Variants in CHD4 observed in about 807,000 individuals in gnomAD.
CHD4 encodes the protein chromodomain helicase DNA binding protein 4, also known as ATP-dependent chromatin remodeler CHD4.
Under a neutral mutation model 235.5 loss-of-function variants are expected in CHD4, and 35 were observed. The observed-to-expected ratio is 0.15, with a 90% CI of 0.11 to 0.20. The LOEUF (loss-of-function observed/expected upper bound fraction) is 0.20, where lower values mean the gene tolerates loss of function less well. Ranked by LOEUF, CHD4 falls within the 10% of genes least tolerant of loss-of-function variation. The pLI, the probability that CHD4 is intolerant of heterozygous loss-of-function variation, is 1.00. For missense variants in CHD4, 1,329 were observed against 2,432.3 expected (o/e 0.55, Z 9.54); for synonymous variants, 900 against 850.2 (o/e 1.06, Z -1.02).
chr12:6,581,984 G>A (rs10437832), intron 30 of CHD4, among the ~76,000 whole-genome samples, 153 bp downstream of exon 30: 8,545 of 152,096 alleles, frequency 0.056, 814 homozygotes, highest in African/African-American at 0.19. Flanking sequence ...TGTATTTTTA[G>A]TAGAGATGGG....
At chr12:6,600,100 C>T in intron 9 of CHD4, 88 bp from the exon 10 acceptor site, 1 of 1,533,884 alleles carries the variant, frequency 6.5e-7, no homozygotes, top group Non-Finnish European at 8.9e-7. Flanking sequence ...TTGAATGCTT[C>T]CCAAAGCTCA....
Position 6,596,122 on chromosome 12 carries a change from G to A in CHD4, c.1908C>T (p.Gly636=). The change falls in exon 13 of 40, where the codon GGC becomes GGT. Residue 636 remains glycine (G), a synonymous_variant. Transcript: ENST00000544040. The stretch of plus-strand genomic sequence containing the variant: ...GCCACTTGATCAAGTAGTGGACGTG[G>A]CCCTTCTTGTCCACACTGCAAGTCC... ...RILNHSVDKK[G]HVHYLIKWRD... is the part of the protein sequence containing the mutation. The A allele has an allele frequency of 3.1e-6, 5 of 1,613,818 alleles. No individual in the cohort carries two copies. The highest frequency in any genetic ancestry group is 1.1e-5 in the South Asian group (1 of 91,074).
chr12:6,588,490 A>C, intron 22 of CHD4, 68 bp from the exon 23 acceptor site: 1 of 1,572,066 alleles, frequency 6.4e-7, no homozygotes, highest in Non-Finnish European at 8.7e-7. Context: ...GTAGTTTAAA[A>C]AATTAAGCCG....
At chr12:6,590,544 C>T (rs745832915) in intron 22 of CHD4, among the ~76,000 whole-genome samples, 1 of 151,866 alleles carries the variant, frequency 6.6e-6, no homozygotes, top group Non-Finnish European at 1.5e-5. Context: ...TGATACTGAG[C>T]ACAGTGGCTT....
chr12:6,584,253 TATGTGTATGA>T (rs960080217), intron 25 of CHD4: 62 of 152,334 alleles, frequency 4.1e-4, no homozygotes, highest in African/African-American at 1.5e-3. Context: ...AGTGTACATA[TATGTGTATGA>T]ATATATGTAT....
Position 6,581,093 on chromosome 12 carries a change from C to T in CHD4, c.4860G>A (p.Lys1620=). ...EPPEGEEKVE[K]AEVKERTEEP... ...CCTCTGTTCTCTCCTTCACCTCTGC[C>T]TTTTCCACTTTCTCCTCTCCCTCAG... The change falls in exon 33 of 40, where the codon AAG becomes AAA. Residue 1620 remains lysine (K), a synonymous_variant. Coordinates refer to ENST00000544040, the MANE Select transcript of CHD4 (RefSeq NM_001273.5). The T allele has an allele frequency of 6.2e-7, 1 of 1,614,184 alleles. No homozygotes were observed. Among genetic ancestry groups the T allele is most frequent in the Non-Finnish European group, 8.5e-7 (1 of 1,180,026 alleles).
Position 6,606,431 on chromosome 12 carries a change from C to T in CHD4, c.-58G>A. On this transcript the variant is annotated 5_prime_UTR_variant, in exon 2 of 40. Coordinates refer to ENST00000544040, the MANE Select transcript of CHD4 (RefSeq NM_001273.5). ...GCTGCTCCTGCCGGCGGCCTGAGGA[C>T]CTCTACACTGGCCCGAGTCACTGTG... The T allele has an allele frequency of 4.4e-6, 5 of 1,124,484 alleles. No homozygotes were observed. Among genetic ancestry groups the T allele is most frequent in the East Asian group, 2.8e-5 (1 of 35,844 alleles). The allele number at this position is 1,124,484 out of a possible 1,614,324, so 69.7% of individuals were successfully genotyped here. A position where few individuals can be genotyped will look rare whatever the true frequency, so the allele number is the denominator to read the frequency against.
chr12:6,589,526 TG>T (rs1464702421), intron 22 of CHD4, among the ~76,000 whole-genome samples: 5 of 151,770 alleles, frequency 3.3e-5, no homozygotes, highest in Non-Finnish European at 7.4e-5. Context: ...CCCAGCACTT[TG>T]GGAAGCTGAG....
rs1471456487 is a variant in CHD4 at position 6,606,407 on chromosome 12, C to A, written c.-34G>T. The A allele has an allele frequency of 6.7e-7, 1 of 1,491,720 alleles. No homozygotes were observed. Among genetic ancestry groups the A allele is most frequent in the South Asian group, 1.2e-5 (1 of 84,114 alleles). 92.4% of individuals were successfully genotyped at this position (1,491,720 alleles called of 1,614,324 possible). On this transcript the variant is annotated 5_prime_UTR_variant, in exon 2 of 40. Coordinates refer to ENST00000544040, the MANE Select transcript of CHD4 (RefSeq NM_001273.5). ...GCTCCCGGCCAGGGAATTGGCCCAG[C>A]TGCTCCTGCCGGCGGCCTGAGGACC... is the stretch of plus-strand genomic sequence containing the variant.
intron 34 of CHD4, 63 bp downstream of exon 34, chr12:6,578,783 T>C (rs1022628553): frequency 6.6e-7 from 1 of 1,514,480 alleles, no homozygotes; most frequent in Non-Finnish European, 9.2e-7. Context: ...GCAGGGCAGA[T>C]ACAGTCCTTG....
At position 6,570,628 on chromosome 12, in the gene CHD4, G is replaced by A. The variant is rs1947948358; in HGVS notation, c.*48C>T. On this transcript the variant is annotated 3_prime_UTR_variant, in exon 40 of 40. Transcript: ENST00000544040. ...AGGGGAGAAGCTGGGACAAGAGAAA[G>A]TGAGGAAGGTCACTGCTCAGCGGTG... 1 of 1,613,110 alleles carries A rather than the reference G, an allele frequency of 6.2e-7. No homozygotes were observed. The highest frequency in any genetic ancestry group is 1.7e-5 in the Admixed American group (1 of 59,992).
intron 2 of CHD4, among the ~76,000 whole-genome samples, chr12:6,604,943 G>A (rs1375631042): frequency 1.3e-5 from 2 of 152,110 alleles, no homozygotes; most frequent in Non-Finnish European, 2.9e-5. Context: ...CAGAAGGACA[G>A]GGTCCCCTTA....
At chr12:6,578,960 C>T (rs1164577858) in intron 33 of CHD4, 43 bp from the exon 34 acceptor site, 1 of 1,556,536 alleles carries the variant, frequency 6.4e-7, no homozygotes, top group East Asian at 2.2e-5. Context: ...AAAGGAAGAA[C>T]ATTCTCCTCT....
chr12:6,587,289 C>A (rs1382434305), intron 25 of CHD4, 95 bp downstream of exon 25: 3 of 1,277,484 alleles, frequency 2.3e-6, no homozygotes, highest in East Asian at 4.7e-5. Flanking sequence ...AATTTGCCTA[C>A]AGATATTTTC....
chr12:6,573,635 G>T (rs1412932230), intron 37 of CHD4, among the ~76,000 whole-genome samples: 2 of 151,986 alleles, frequency 1.3e-5, no homozygotes, highest in Non-Finnish European at 2.9e-5. Context: ...ACATAACTGA[G>T]ATCATACTAT....
intron 20 of CHD4, 32 bp downstream of exon 20, chr12:6,591,884 C>A: frequency 1.2e-6 from 2 of 1,614,100 alleles, no homozygotes; most frequent in Non-Finnish European, 8.5e-7. Context: ...GAAGACCCAA[C>A]CCAGGGAGGA....
chr12:6,600,899 C>A, intron 7 of CHD4, 27 bp downstream of exon 7: 1 of 1,554,930 alleles, frequency 6.4e-7, no homozygotes, highest in Non-Finnish European at 8.7e-7. Flanking sequence ...ATGGCACCCT[C>A]CCTAAAGCGA....
In CHD4 at chr12:6,600,686, G is replaced by A. The variant is rs1948574047; in HGVS notation, c.928-17C>T. 2 of 1,613,752 alleles carry A rather than the reference G, an allele frequency of 1.2e-6. No homozygotes were observed. The highest frequency in any genetic ancestry group is 8.5e-7 in the Non-Finnish European group (1 of 1,179,878). On this transcript the variant is annotated splice_polypyrimidine_tract_variant and intron_variant, in intron 7 of 39. Coordinates refer to ENST00000544040, the MANE Select transcript of CHD4 (RefSeq NM_001273.5). ...ATCCTCACTCTGGCAGGATGAAAAA[G>A]AATAAGGTTAGACGTTCAAGCCAAG... is the stretch of plus-strand genomic sequence containing the variant.
intron 27 of CHD4, 30 bp from the exon 28 acceptor site, chr12:6,582,966 A>C: frequency 6.2e-7 from 1 of 1,611,906 alleles, no homozygotes; most frequent in Non-Finnish European, 8.5e-7. Flanking sequence ...AATGAGTGAC[A>C]CAGGTAGGAT....
Sources: gnomAD v4.1 joint callset for allele counts (sites outside exome capture counted in the v4.1 genomes callset) on GRCh38, gnomAD v4.1.1 for gene constraint, MANE v1.5 for transcripts, NCBI Gene and HGNC (gene_info 2026-07-23, HGNC 2026-07-21) for gene names.